USP34: variants seen among roughly 807,000 people sequenced by gnomAD.
USP34 encodes the protein ubiquitin specific peptidase 34.
In USP34, 70 loss-of-function variants were observed where a neutral mutation model predicts 460.3. The observed-to-expected ratio is 0.15, with a 90% CI of 0.13 to 0.19. The LOEUF (loss-of-function observed/expected upper bound fraction) is 0.19, where lower values mean the gene tolerates loss of function less well. Ranked by LOEUF, USP34 falls within the 10% of genes least tolerant of loss-of-function variation. The probability of loss-of-function intolerance (pLI) is 1.00; values close to 1 mark genes in which losing one functional copy is unlikely to be tolerated. For missense variants in USP34, 3,985 were observed against 4,236.2 expected, an observed-to-expected ratio of 0.94 and a Z score of 1.65; for synonymous variants, 1,647 against 1,405.3, an observed-to-expected ratio of 1.17 and a Z score of -3.85.
chr2:61,232,305 C>G, intron 58 of USP34, 147 bp downstream of exon 58: 1 of 672,680 alleles, frequency 1.5e-6, no homozygotes, highest in Non-Finnish European at 2.5e-6. Flanking sequence ...GTGAAACCAA[C>G]AACAAAATGA....
chr2:61,463,132 T>C (rs1002866320), intron 1 of USP34, among the ~76,000 whole-genome samples: 6 of 152,240 alleles, frequency 3.9e-5, no homozygotes, highest in South Asian at 2.1e-4. Flanking sequence ...TAAAAAGCTC[T>C]GGAAACATGT....
chr2:61,197,934 T>C (rs1015884867), intron 75 of USP34, among the ~76,000 whole-genome samples: 9 of 152,116 alleles, frequency 5.9e-5, no homozygotes, highest in Non-Finnish European at 1.3e-4. Flanking sequence ...TAGATTTTTG[T>C]ATTTTTAATA....
chr2:61,236,449 T>C (rs1259770033), intron 53 of USP34, 60 bp from the exon 54 acceptor site: 14 of 1,250,538 alleles, frequency 1.1e-5, no homozygotes, highest in Non-Finnish European at 1.5e-5. Flanking sequence ...ATTTTACCAA[T>C]ATTTTTATTA....
In USP34 at chr2:61,380,315, G is replaced by A; in HGVS notation, c.868C>T (p.Arg290Cys). Reference protein sequence around the residue: ...SDQELRQSAARNMADLMWSTV... With the variant: ...SDQELRQSAACNMADLMWSTV... ...CTCCACATTAAGTCAGCCATGTTAC[G>A]AGCTGCACTCTGTCGTAACTCCTGA... The change falls in exon 7 of 80, where the codon CGT becomes TGT. Residue 290 changes from arginine (R) to cysteine (C), a missense_variant. This residue lies in a region of USP34 where 70 missense variants were observed against 109.5 expected (regional missense o/e 0.64). Transcript: ENST00000398571. 6.2e-7 allele frequency: 1 copy of A among 1,613,782 alleles called. No individual in the cohort carries two copies. Among genetic ancestry groups the A allele is most frequent in the Non-Finnish European group, 8.5e-7 (1 of 1,179,806 alleles).
At position 61,235,919 on chromosome 2, in the gene USP34, GA is replaced by G; in HGVS notation, c.6967-10del. 6.2e-7 allele frequency: 1 copy of G among 1,611,104 alleles called. No homozygotes were observed. Among genetic ancestry groups the G allele is most frequent in the Non-Finnish European group, 8.5e-7 (1 of 1,179,286 alleles). On this transcript the variant is annotated splice_polypyrimidine_tract_variant and intron_variant, in intron 56 of 79. Transcript: ENST00000398571. ...CACTGAAGCATCGTGGGCTAGAAAA[GA>G]AAAGTCAGTCAAAGCATATGAACTT...
At chr2:61,276,005 A>G (rs115752613) in intron 41 of USP34, among the ~76,000 whole-genome samples, 1,658 of 152,384 alleles carry the variant, frequency 0.011, 13 homozygotes, top group African/African-American at 0.02. Context: ...TTCAAAATAA[A>G]TAACTTTTAC....
At chr2:61,201,721 A>C (rs1411008301) in intron 75 of USP34, among the ~76,000 whole-genome samples, 1 of 152,216 alleles carries the variant, frequency 6.6e-6, no homozygotes, top group Non-Finnish European at 1.5e-5. Context: ...AAGACAACCC[A>C]AAACAGGGTA....
At chr2:61,313,896 GAA>G (rs1373370891) in intron 25 of USP34, among the ~76,000 whole-genome samples, 2 of 151,896 alleles carry the variant, frequency 1.3e-5, no homozygotes, top group African/African-American at 2.4e-5. Flanking sequence ...ATCTGAAGTT[GAA>G]AAAAGTTACT....
intron 10 of USP34, among the ~76,000 whole-genome samples, chr2:61,360,958 C>G (rs1692258904): frequency 1.3e-5 from 2 of 152,164 alleles, no homozygotes; most frequent in South Asian, 4.1e-4. Flanking sequence ...GCCACCACAC[C>G]CAGCCTCAAT....
intron 69 of USP34, among the ~76,000 whole-genome samples, chr2:61,210,976 G>C (rs779576146): frequency 5.9e-5 from 9 of 152,174 alleles, no homozygotes; most frequent in Non-Finnish European, 8.8e-5. Flanking sequence ...AGTAAACTTT[G>C]GGAAAACAAT....
In USP34 at chr2:61,222,987, G is replaced by A. The variant is rs1420279363; in HGVS notation, c.7749+73C>T. The A allele has an allele frequency of 2.7e-5, 36 of 1,329,180 alleles. 1 individual carries two copies. The highest frequency in any genetic ancestry group is 1.0e-4 in the East Asian group (4 of 40,178). 82.3% of individuals were successfully genotyped at this position (1,329,180 alleles called of 1,614,324 possible). A position where few individuals can be genotyped will look rare whatever the true frequency, so the allele number is the denominator to read the frequency against. ...GCTGGGATTACAGGCATGAGCCACCGCACTCGGCCAGATTTCAGGGTATTC... is the reference window on the plus strand; with the variant it reads ...GCTGGGATTACAGGCATGAGCCACCACACTCGGCCAGATTTCAGGGTATTC... On this transcript the variant is annotated intron_variant, in intron 64 of 79. Transcript: ENST00000398571.
chr2:61,255,603 T>C (rs1263267831), intron 48 of USP34, among the ~76,000 whole-genome samples: 2 of 152,246 alleles, frequency 1.3e-5, no homozygotes, highest in Non-Finnish European at 2.9e-5. Flanking sequence ...CAACAGTGCT[T>C]GCTAAATAAA....
intron 1 of USP34, among the ~76,000 whole-genome samples, chr2:61,461,926 T>C (rs1192730652): frequency 2.0e-5 from 3 of 152,156 alleles, no homozygotes; most frequent in Non-Finnish European, 4.4e-5. Context: ...AAATTTTATA[T>C]AAAATGAAAT....
intron 2 of USP34, 81 bp downstream of exon 2, chr2:61,420,665 A>G: frequency 9.8e-7 from 1 of 1,019,336 alleles, no homozygotes; most frequent in Non-Finnish European, 1.4e-6. Flanking sequence ...CAACACCCTA[A>G]AAAGAAAATG....
Position 61,418,660 on chromosome 2 carries a change from G to T in USP34, c.131+2086C>A, listed in dbSNP as rs373748674. On this transcript the variant is annotated intron_variant, in intron 2 of 79. Transcript: ENST00000398571. ...AATTAGAACGACAATCTTAATCTAG[G>T]CCACAATATTTTCTGAAGCTCAAGA... 2.0e-5 allele frequency among the ~76,000 whole-genome samples: 3 copies of T among 152,158 alleles called. No homozygotes were observed. In the East Asian group the frequency reaches 5.8e-4, roughly 29 times the overall value.
At chr2:61,256,224 C>T (rs1688720753) in intron 48 of USP34, among the ~76,000 whole-genome samples, 160 bp downstream of exon 48, 2 of 152,184 alleles carry the variant, frequency 1.3e-5, no homozygotes, top group South Asian at 4.1e-4. Flanking sequence ...TGGTAATTCA[C>T]TGAACAACTA....
chr2:61,301,011 T>C lies in USP34; in HGVS notation c.4068A>G (p.Leu1356=), dbSNP rs1282975711. The C allele has an allele frequency of 3.1e-6, 5 of 1,614,006 alleles. No homozygotes were observed. Among genetic ancestry groups the C allele is most frequent in the East Asian group, 4.5e-5 (2 of 44,876 alleles). ...GTTTAAATGATGCAAGCATCTCTAA[T>C]AAATCAAAAAGAGTAGTTAAATGAG... ...QEPHLTTLFD[L]LEMLASFKPP... is the part of the protein sequence containing the mutation. The change falls in exon 29 of 80, where the codon TTA becomes TTG. Residue 1356 remains leucine, a synonymous_variant. Transcript: ENST00000398571.
At chr2:61,276,335 A>G (rs538403779) in intron 41 of USP34, among the ~76,000 whole-genome samples, 3 of 112,322 alleles carry the variant, frequency 2.7e-5, no homozygotes, top group East Asian at 4.1e-4. Context: ...AGTTTTTTCT[A>G]TAACTTCATA....
chr2:61,383,485 C>G (rs1021900538), intron 5 of USP34, 149 bp from the exon 6 acceptor site: 1 of 479,852 alleles, frequency 2.1e-6, no homozygotes, highest in Admixed American at 3.4e-5. Context: ...TGGGCAGATC[C>G]GAAGGTCAGG....
Sources: gnomAD v4.1 joint callset for allele counts (sites outside exome capture counted in the v4.1 genomes callset) on GRCh38, gnomAD v4.1.1 for gene constraint, gnomAD v4.1.1 regional missense constraint, MANE v1.5 for transcripts, NCBI Gene and HGNC (gene_info 2026-07-23, HGNC 2026-07-21) for gene names.